KIF5C: variants seen among roughly 807,000 people sequenced by gnomAD.
KIF5C encodes kinesin family member 5C, also known as kinesin heavy chain isoform 5C.
KIF5C carries 18 observed loss-of-function variants against 125.2 expected under a neutral mutation model. That is an observed-to-expected ratio of 0.14 (90% confidence interval 0.10 to 0.21). KIF5C has a LOEUF of 0.21. KIF5C is among the 10% of genes least tolerant of loss of function. The pLI is 1.00. For missense variants in KIF5C, 780 were observed against 1,183.8 expected, an observed-to-expected ratio of 0.66 and a Z score of 5.01; for synonymous variants, 405 against 434.0, an observed-to-expected ratio of 0.93 and a Z score of 0.83.
chr2:148,930,358 C>CTA (rs1682149030), intron 3 of KIF5C, among the ~76,000 whole-genome samples: 2 of 151,166 alleles, frequency 1.3e-5, no homozygotes, highest in African/African-American at 4.9e-5. Flanking sequence ...TCACCAAATC[C>CTA]TATAGGGCCT....
chr2:148,954,726 G>A (rs1011308209), intron 10 of KIF5C, among the ~76,000 whole-genome samples: 6 of 152,126 alleles, frequency 3.9e-5, no homozygotes, highest in Non-Finnish European at 7.4e-5. Flanking sequence ...AAAAAGTCGT[G>A]TCATCATTTT....
At chr2:148,877,022 G>T (rs1681212921) in intron 1 of KIF5C, among the ~76,000 whole-genome samples, 1 of 152,214 alleles carries the variant, frequency 6.6e-6, no homozygotes, top group Non-Finnish European at 1.5e-5. Flanking sequence ...CGAGGGTATT[G>T]CAGGAGTCCG....
intron 1 of KIF5C, among the ~76,000 whole-genome samples, chr2:148,917,616 C>A (rs1200478691): frequency 6.6e-6 from 1 of 152,214 alleles, no homozygotes; most frequent in African/African-American, 2.4e-5. Context: ...GCTGAAAGAA[C>A]TTGTCATTTC....
At chr2:148,902,742 A>G (rs1680953651) in intron 1 of KIF5C, among the ~76,000 whole-genome samples, 1 of 152,218 alleles carries the variant, frequency 6.6e-6, no homozygotes. Context: ...GTGCTCGTGT[A>G]TTCCTGCAAA....
At chr2:149,011,384 A>G (rs757239836) in intron 24 of KIF5C, among the ~76,000 whole-genome samples, 186 bp from the exon 25 acceptor site, 1 of 152,232 alleles carries the variant, frequency 6.6e-6, no homozygotes, top group Non-Finnish European at 1.5e-5. Context: ...AAATATTTGG[A>G]TGCCTTGGAT....
At chr2:148,944,770 C>G (rs993513852) in intron 7 of KIF5C, among the ~76,000 whole-genome samples, 5 of 152,184 alleles carry the variant, frequency 3.3e-5, no homozygotes, top group African/African-American at 4.8e-5. Context: ...CTATTCCTAA[C>G]AGCAGTACAT....
At chr2:148,982,880 T>G (rs1465852180) in intron 14 of KIF5C, among the ~76,000 whole-genome samples, 1 of 152,230 alleles carries the variant, frequency 6.6e-6, no homozygotes, top group Non-Finnish European at 1.5e-5. Flanking sequence ...TCTAGCTGCA[T>G]ATGGGAGAAT....
chr2:148,954,227 G>T (rs1460163988), intron 10 of KIF5C, among the ~76,000 whole-genome samples: 1 of 152,072 alleles, frequency 6.6e-6, no homozygotes, highest in Non-Finnish European at 1.5e-5. Flanking sequence ...GCCCAGCATC[G>T]TGCCATTAAA....
chr2:148,905,061 T>C (rs1371303652), intron 1 of KIF5C, among the ~76,000 whole-genome samples: 1 of 152,244 alleles, frequency 6.6e-6, no homozygotes, highest in Non-Finnish European at 1.5e-5. Flanking sequence ...TAGAGCTCAT[T>C]AGTATTGCTT....
At chr2:148,891,306 G>A (rs140451408) in intron 1 of KIF5C, among the ~76,000 whole-genome samples, 27 of 152,260 alleles carry the variant, frequency 1.8e-4, no homozygotes, top group African/African-American at 6.5e-4. Flanking sequence ...TGGAGAAAAG[G>A]TGCTTTTCAA....
intron 16 of KIF5C, among the ~76,000 whole-genome samples, chr2:148,993,557 C>T (rs1681583710): frequency 1.3e-5 from 2 of 152,208 alleles, no homozygotes; most frequent in African/African-American, 4.8e-5. Context: ...TCATCCTCGT[C>T]ACCAAAAACT....
chr2:148,965,177 C>T (rs960681166), intron 11 of KIF5C, among the ~76,000 whole-genome samples: 74 of 152,012 alleles, frequency 4.9e-4, no homozygotes, highest in Non-Finnish European at 2.8e-4. Context: ...CCCCGTGGAA[C>T]ATCCAGGGGA....
At position 148,961,299 on chromosome 2, in the gene KIF5C, G is replaced by C. The variant is rs114934597; in HGVS notation, c.969-672G>C. On this transcript the variant is annotated intron_variant, in intron 10 of 25. Coordinates refer to ENST00000435030, the MANE Select transcript of KIF5C (RefSeq NM_004522.3). ...GCATGGTGATGACGGGCTGTGATGG[G>C]GGGGGCGGGTGTGTGCTCAGCAGGG... 7.6e-3 allele frequency among the ~76,000 whole-genome samples: 1,151 copies of C among 152,288 alleles called. 13 individuals carry two copies. Among genetic ancestry groups the C allele is most frequent in the African/African-American group, 0.026 (1,090 of 41,558 alleles).
In KIF5C at chr2:148,875,372, G is replaced by A; in HGVS notation, c.-246G>A. On this transcript the variant is annotated 5_prime_UTR_variant, in exon 1 of 26. Transcript: ENST00000435030. ...GGCCGGGGGGCGCTGGGCAGGGGCGGGGCAGGGCCAGGGCAGGCCGGTCTG... is the reference window on the plus strand; with the variant it reads ...GGCCGGGGGGCGCTGGGCAGGGGCGAGGCAGGGCCAGGGCAGGCCGGTCTG... 2.3e-6 allele frequency: 1 copy of A among 428,804 alleles called. No individual in the cohort carries two copies. 26.6% of individuals were successfully genotyped at this position (428,804 alleles called of 1,614,324 possible).
At chr2:148,930,333 T>TTG in intron 3 of KIF5C, among the ~76,000 whole-genome samples, 1 of 152,084 alleles carries the variant, frequency 6.6e-6, no homozygotes, top group Non-Finnish European at 1.5e-5. Flanking sequence ...TTTTCCTTTT[T>TTG]TTTTTTTCTT....
intron 1 of KIF5C, among the ~76,000 whole-genome samples, chr2:148,906,680 T>C (rs894321795): frequency 6.6e-6 from 1 of 151,258 alleles, no homozygotes; most frequent in Non-Finnish European, 1.5e-5. Flanking sequence ...GCCTGGGCAA[T>C]GTGGTGAAAC....
At chr2:149,021,311 C>T (rs1341227932) in intron 25 of KIF5C, among the ~76,000 whole-genome samples, 2 of 152,150 alleles carry the variant, frequency 1.3e-5, no homozygotes, top group Non-Finnish European at 1.5e-5. Context: ...GATCCACCCG[C>T]GTTGGCCTCC....
intron 23 of KIF5C, among the ~76,000 whole-genome samples, chr2:149,009,880 T>C (rs1311993645): frequency 6.6e-6 from 1 of 152,240 alleles, no homozygotes; most frequent in African/African-American, 2.4e-5. Context: ...CTGCCTCAGA[T>C]GGAAAGTTTC....
intron 1 of KIF5C, among the ~76,000 whole-genome samples, chr2:148,918,411 AGATT>A (rs896313496): frequency 5.3e-5 from 8 of 152,178 alleles, no homozygotes; most frequent in African/African-American, 1.4e-4. Flanking sequence ...GTGGTTAATT[AGATT>A]GATTGATAAT....
Sources: allele counts gnomAD v4.1 joint callset (sites outside exome capture counted in the v4.1 genomes callset), GRCh38; gene constraint gnomAD v4.1.1; transcripts MANE v1.5; gene names NCBI Gene and HGNC (gene_info 2026-07-23, HGNC 2026-07-21).